The following ZNF589 variants were observed in gnomAD, a reference collection of about 807,000 sequenced individuals.
ZNF589 encodes the protein KRAB-zinc finger protein SZF1-1.
A neutral mutation model predicts 13.6 loss-of-function variants in ZNF589; 17 were observed. The observed-to-expected ratio is 1.25, with a 90% CI of 0.86 to 1.88. The LOEUF (loss-of-function observed/expected upper bound fraction) is 1.88. Among genes scored for constraint, ZNF589 ranks in the 40% most tolerant of loss-of-function variants. The probability of loss-of-function intolerance (pLI) is 0.00; values close to 1 mark genes in which losing one functional copy is unlikely to be tolerated. For synonymous variants in ZNF589, 148 were observed against 161.6 expected, an observed-to-expected ratio of 0.92 and a Z score of 0.64; for missense variants, 407 against 434.0, an observed-to-expected ratio of 0.94 and a Z score of 0.55.
rs180951413 is a variant in ZNF589 at position 48,263,674 on chromosome 3, G to C, written c.223+2735G>C. Among the ~76,000 whole-genome samples the C allele has an allele frequency of 4.6e-5, 7 of 152,190 alleles. 1 individual carries two copies. Among genetic ancestry groups the C allele is most frequent in the South Asian group, 2.1e-4 (1 of 4,822 alleles). On this transcript the variant is annotated intron_variant, in intron 3 of 3. Transcript: ENST00000354698. ...CGCAGGAGGCTGAGGGAGGAGAATC[G>C]CTTGAACCCCGGAGGCGGAGGTTGC...
In ZNF589 at chr3:48,269,172, ACT is replaced by A. The variant is rs2034060587; in HGVS notation, c.*389_*390del. On this transcript the variant is annotated 3_prime_UTR_variant, in exon 4 of 4. Coordinates refer to ENST00000354698, the MANE Select transcript of ZNF589 (RefSeq NM_016089.3). ...GCTCTTAGTGTACATCAGAGGATAC[ACT>A]CTGGGGAGAAGCCTTATGCATGCAC... 2.0e-6 allele frequency: 2 copies of A among 1,014,984 alleles called. No individual in the cohort carries two copies. The highest frequency in any genetic ancestry group is 1.5e-6 in the Non-Finnish European group (1 of 678,852). The allele number at this position is 1,014,984 out of a possible 1,614,324, so 62.9% of individuals were successfully genotyped here. A position where few individuals can be genotyped will look rare whatever the true frequency, so the allele number is the denominator to read the frequency against.
At chr3:48,261,034 A>G in intron 3 of ZNF589, 95 bp downstream of exon 3, 1 of 1,337,578 alleles carries the variant, frequency 7.5e-7, no homozygotes, top group South Asian at 1.3e-5. Context: ...AGAACATATC[A>G]GTGAATAGAA....
At chr3:48,256,872 C>G in intron 2 of ZNF589, 2 of 1,031,872 alleles carry the variant, frequency 1.9e-6, no homozygotes, top group East Asian at 5.6e-5. Flanking sequence ...CTGGTCACTG[C>G]TGGGCCTGCT....
At chr3:48,261,683 A>G (rs2033970468) in intron 3 of ZNF589, among the ~76,000 whole-genome samples, 2 of 152,166 alleles carry the variant, frequency 1.3e-5, no homozygotes, top group South Asian at 2.1e-4. Context: ...AGTTCCTCAC[A>G]TTTCTCTCAG....
At chr3:48,260,139 T>C (rs1038253557) in intron 2 of ZNF589, among the ~76,000 whole-genome samples, 1 of 152,114 alleles carries the variant, frequency 6.6e-6, no homozygotes, top group African/African-American at 2.4e-5. Context: ...AAAAAGCATA[T>C]GGTGTATGTT....
chr3:48,262,691 TTCTC>T (rs745977660), intron 3 of ZNF589, among the ~76,000 whole-genome samples: 4 of 152,116 alleles, frequency 2.6e-5, no homozygotes, highest in East Asian at 1.9e-4. Flanking sequence ...TATCAATTCC[TTCTC>T]TCTCTCCTTC....
intron 2 of ZNF589, among the ~76,000 whole-genome samples, chr3:48,253,508 T>C (rs1358916004): frequency 8.7e-5 from 13 of 148,652 alleles, no homozygotes; most frequent in African/African-American, 3.2e-4. Flanking sequence ...CTTTTTTTTT[T>C]TTTTTTTTTG....
In ZNF589 at chr3:48,269,521, A is replaced by C; in HGVS notation, c.*735A>C. 2 of 316,918 alleles carry C rather than the reference A, an allele frequency of 6.3e-6. No homozygotes were observed. The highest frequency in any genetic ancestry group is 1.2e-5 in the Non-Finnish European group (2 of 161,942). The allele number at this position is 316,918 out of a possible 1,614,324, so 19.6% of individuals were successfully genotyped here. ...ACTGGAGGACACACACAGGAGAGAA[A>C]CCTTACGCATGCATCGAGTGTGGGC... On this transcript the variant is annotated 3_prime_UTR_variant, in exon 4 of 4. Coordinates refer to ENST00000354698, the MANE Select transcript of ZNF589 (RefSeq NM_016089.3).
At chr3:48,250,146 A>G (rs1330011634) in intron 2 of ZNF589, among the ~76,000 whole-genome samples, 1 of 151,664 alleles carries the variant, frequency 6.6e-6, no homozygotes, top group Non-Finnish European at 1.5e-5. Flanking sequence ...AAAAAATACA[A>G]TTTATTATTG....
chr3:48,266,212 A>G (rs2034017464), intron 3 of ZNF589, among the ~76,000 whole-genome samples: 9 of 152,216 alleles, frequency 5.9e-5, no homozygotes, highest in Admixed American at 5.9e-4. Context: ...CCCCTGACAT[A>G]GATGCAATAC....
intron 1 of ZNF589, among the ~76,000 whole-genome samples, chr3:48,245,288 T>A (rs1324601349): frequency 6.6e-6 from 1 of 152,062 alleles, no homozygotes; most frequent in African/African-American, 2.4e-5. Context: ...CTAATTTTTT[T>A]ATTTTTTGTA....
chr3:48,251,617 T>C (rs943176032), intron 2 of ZNF589, among the ~76,000 whole-genome samples: 2 of 150,178 alleles, frequency 1.3e-5, no homozygotes, highest in Non-Finnish European at 3.0e-5. Context: ...TGATTTTTAG[T>C]TTTTTTTTGG....
At chr3:48,266,280 C>T (rs970346233) in intron 3 of ZNF589, among the ~76,000 whole-genome samples, 3 of 152,174 alleles carry the variant, frequency 2.0e-5, no homozygotes, top group Non-Finnish European at 4.4e-5. Context: ...CAGGAGTGTT[C>T]CAGGCTTTGA....
rs35060812 is a variant in ZNF589 at position 48,265,271 on chromosome 3, CTTTTTTTTTTTTTTTT to C, written c.224-2629_224-2614del. Among the ~76,000 whole-genome samples the C allele has an allele frequency of 6.3e-5, 3 of 47,838 alleles. No homozygotes were observed. In the Admixed American group the frequency reaches 9.3e-4, roughly 15 times the overall value. The allele number at this position is 47,838 out of a possible 152,430, so 31.4% of individuals were successfully genotyped here. A position where few individuals can be genotyped will look rare whatever the true frequency, so the allele number is the denominator to read the frequency against. On this transcript the variant is annotated intron_variant, in intron 3 of 3. Transcript: ENST00000354698. ...ACAGGCATGAGCCACTGTGCCCGGC[CTTTTTTTTTTTTTTTT>C]TTTTTTTTTTTTTTGGAGACAGAGT...
At chr3:48,249,301 C>T (rs1203597521) in intron 2 of ZNF589, among the ~76,000 whole-genome samples, 1 of 152,110 alleles carries the variant, frequency 6.6e-6, no homozygotes, top group Non-Finnish European at 1.5e-5. Context: ...CAGGGTTTCA[C>T]CATGTTAGCC....
At chr3:48,242,956 C>T (rs112529003) in intron 1 of ZNF589, among the ~76,000 whole-genome samples, 5 of 151,712 alleles carry the variant, frequency 3.3e-5, no homozygotes, top group African/African-American at 1.2e-4. Flanking sequence ...CACCTGTAAT[C>T]CCAGCTACTC....
rs2034035491 is a variant in ZNF589 at position 48,267,791 on chromosome 3, C to T, written c.224-124C>T. ...GTTGAATGAAAATATAGGTCCTGCACAGCACATCTTGGGGAGAAAGACTTT... is the reference window on the plus strand; with the variant it reads ...GTTGAATGAAAATATAGGTCCTGCATAGCACATCTTGGGGAGAAAGACTTT... On this transcript the variant is annotated intron_variant, in intron 3 of 3. Coordinates refer to ENST00000354698, the MANE Select transcript of ZNF589 (RefSeq NM_016089.3). 6.2e-6 allele frequency: 6 copies of T among 967,974 alleles called. No homozygotes were observed. The South Asian group carries it at 8.8e-5, about 14-fold the overall frequency. The allele number at this position is 967,974 out of a possible 1,614,324, so 60.0% of individuals were successfully genotyped here.
rs951932297 is a variant in ZNF589 at position 48,252,485 on chromosome 3, C to T, written c.96+4808C>T. On this transcript the variant is annotated intron_variant, in intron 2 of 3. Coordinates refer to ENST00000354698, the MANE Select transcript of ZNF589 (RefSeq NM_016089.3). ...GGATTACAGGCATGAGCCACCATGC[C>T]CAGCTGTCTTTTGCATTTTTATATA... Among the ~76,000 whole-genome samples the T allele has an allele frequency of 5.9e-5, 9 of 151,794 alleles. No homozygotes were observed. In the South Asian group the frequency reaches 1.9e-3, roughly 32 times the overall value.
chr3:48,263,396 C>T (rs890317913), intron 3 of ZNF589, among the ~76,000 whole-genome samples: 26 of 152,184 alleles, frequency 1.7e-4, no homozygotes, highest in African/African-American at 4.3e-4. Flanking sequence ...CGGCGTGAGC[C>T]GCCACGCCCG....
Sources: gnomAD v4.1 joint callset for allele counts (sites outside exome capture counted in the v4.1 genomes callset) on GRCh38, gnomAD v4.1.1 for gene constraint, MANE v1.5 for transcripts, NCBI Gene and HGNC (gene_info 2026-07-23, HGNC 2026-07-21) for gene names.